The following FRMD6 variants were observed in gnomAD, a reference collection of about 807,000 sequenced individuals.
The protein encoded by FRMD6 is FERM domain containing 6, also known as FERM domain-containing protein 6.
Under a neutral mutation model 73.2 loss-of-function variants are expected in FRMD6, and 37 were observed. That is an observed-to-expected ratio of 0.51 (90% CI 0.39 to 0.66). The LOEUF (loss-of-function observed/expected upper bound fraction) is 0.66, where lower values mean the gene tolerates loss of function less well. Among genes scored for constraint, FRMD6 ranks in the 30% least tolerant of loss-of-function variants. The pLI is 0.00. For synonymous variants in FRMD6, 273 were observed against 282.2 expected (o/e 0.97, Z 0.33); for missense variants, 714 against 780.5 (o/e 0.91, Z 1.02).
intron 1 of FRMD6, among the ~76,000 whole-genome samples, chr14:51,526,136 G>A (rs1885244333): frequency 2.0e-5 from 3 of 152,134 alleles, no homozygotes; most frequent in Non-Finnish European, 4.4e-5. Flanking sequence ...CTCTTGATAG[G>A]GACTATGCTC....
intron 12 of FRMD6, among the ~76,000 whole-genome samples, chr14:51,722,361 C>T (rs1378854274): frequency 1.3e-5 from 2 of 152,146 alleles, no homozygotes; most frequent in Non-Finnish European, 2.9e-5. Flanking sequence ...TATGCTGTGT[C>T]GAGAATCATA....
At position 51,569,507 on chromosome 14, in the gene FRMD6, C is replaced by CTTTTTT. The variant is rs34661155; in HGVS notation, c.-209-828_-209-823dup. Among the ~76,000 whole-genome samples, 363 of 122,732 alleles carry CTTTTTT rather than the reference C, an allele frequency of 3.0e-3. 2 individuals are homozygous for CTTTTTT. Among genetic ancestry groups the CTTTTTT allele is most frequent in the Non-Finnish European group, 4.3e-3 (257 of 59,408 alleles). 80.5% of individuals were successfully genotyped at this position (122,732 alleles called of 152,430 possible). On this transcript the variant is annotated intron_variant, in intron 1 of 14. Coordinates refer to the FRMD6 transcript ENST00000356218. ...AGAATTTTCTTTTCTTTCTTTCTTTCTTTTTTTTTTTTTTTTTTCTGAATC... is the reference window on the plus strand; with the variant it reads ...AGAATTTTCTTTTCTTTCTTTCTTTCTTTTTTTTTTTTTTTTTTTTTTTTCTGAATC...
chr14:51,399,067 A>G, the FRMD6 span, among the ~76,000 whole-genome samples: 122 of 152,254 alleles, frequency 8.0e-4, no homozygotes, highest in Non-Finnish European at 1.5e-3. Context: ...CACTGCTCCT[A>G]GCCAAGCCCT....
chr14:51,626,299 A>C (rs1022334152), intron 2 of FRMD6, among the ~76,000 whole-genome samples: 2 of 152,148 alleles, frequency 1.3e-5, no homozygotes, highest in East Asian at 3.9e-4. Context: ...GTCATTTCCT[A>C]GGTTCCAGCT....
chr14:51,585,112 G>A (rs144490036), intron 2 of FRMD6, among the ~76,000 whole-genome samples: 1 of 152,178 alleles, frequency 6.6e-6, no homozygotes, highest in African/African-American at 2.4e-5. Flanking sequence ...CTGTCTCTAG[G>A]ACAGCCTGGC....
intron 2 of FRMD6, among the ~76,000 whole-genome samples, chr14:51,591,329 A>C (rs999380581): frequency 6.6e-6 from 1 of 152,236 alleles, no homozygotes; most frequent in Non-Finnish European, 1.5e-5. Context: ...ACTATCAGAG[A>C]TAGTTCACCT....
At chr14:51,467,706 G>T in the FRMD6 span, among the ~76,000 whole-genome samples, 1 of 151,898 alleles carries the variant, frequency 6.6e-6, no homozygotes, top group African/African-American at 2.4e-5. Flanking sequence ...CGGCCTGGCA[G>T]AGGTGCTCCC....
chr14:51,415,231 G>T, the FRMD6 span, among the ~76,000 whole-genome samples: 2 of 152,142 alleles, frequency 1.3e-5, no homozygotes, highest in African/African-American at 4.8e-5. Flanking sequence ...TCTTGTGCCA[G>T]TTTTCAAAGG....
At chr14:51,481,204 G>A in the FRMD6 span, among the ~76,000 whole-genome samples, 4 of 152,050 alleles carry the variant, frequency 2.6e-5, no homozygotes, top group Admixed American at 6.5e-5. Context: ...GTATTCGTCC[G>A]TTTTCATGCC....
At chr14:51,652,463 G>C (rs905857672) in intron 1 of FRMD6, among the ~76,000 whole-genome samples, 2 of 152,192 alleles carry the variant, frequency 1.3e-5, no homozygotes, top group African/African-American at 4.8e-5. Flanking sequence ...GGTCTGTGTC[G>C]CTGTGGCTGG....
At chr14:51,554,063 G>T (rs919758341) in intron 1 of FRMD6, among the ~76,000 whole-genome samples, 3 of 152,064 alleles carry the variant, frequency 2.0e-5, no homozygotes, top group African/African-American at 7.2e-5. Context: ...AGGGCACCCT[G>T]TAGAGCCAGA....
At chr14:51,466,522 T>G in the FRMD6 span, among the ~76,000 whole-genome samples, 1 of 152,228 alleles carries the variant, frequency 6.6e-6, no homozygotes, top group East Asian at 1.9e-4. Context: ...TCTTTCCCCA[T>G]TGAATCATTT....
intron 10 of FRMD6, 47 bp from the exon 11 acceptor site, chr14:51,720,008 G>C (rs2140619297): frequency 6.8e-7 from 1 of 1,471,508 alleles, no homozygotes; most frequent in Non-Finnish European, 9.3e-7. Flanking sequence ...AAGCTCACCA[G>C]CCGTTCCTTC....
intron 3 of FRMD6, 22 bp from the exon 4 acceptor site, chr14:51,701,034 T>C: frequency 8.4e-7 from 1 of 1,186,650 alleles, no homozygotes. Flanking sequence ...TAGCATGTCG[T>C]CTCCTTTTTT....
intron 13 of FRMD6, among the ~76,000 whole-genome samples, chr14:51,726,512 C>T (rs1045009225): frequency 1.3e-5 from 2 of 152,076 alleles, no homozygotes; most frequent in African/African-American, 4.8e-5. Context: ...TCTGGCTCTC[C>T]TTGTCCCTAC....
At chr14:51,511,915 TAAAC>T (rs1273865075) in intron 1 of FRMD6, among the ~76,000 whole-genome samples, 2 of 151,738 alleles carry the variant, frequency 1.3e-5, no homozygotes, top group African/African-American at 4.8e-5. Context: ...AAAATTAAAA[TAAAC>T]AAGAAACAAC....
At chr14:51,706,651 C>T (rs1896640047) in intron 6 of FRMD6, among the ~76,000 whole-genome samples, 1 of 152,110 alleles carries the variant, frequency 6.6e-6, no homozygotes, top group South Asian at 2.1e-4. Context: ...AACTCCTACT[C>T]ATCCTCCGAG....
At chr14:51,481,265 G>C in the FRMD6 span, among the ~76,000 whole-genome samples, 3 of 152,174 alleles carry the variant, frequency 2.0e-5, no homozygotes, top group Admixed American at 1.3e-4. Context: ...AGAAAAAAGA[G>C]GTTTAATGGA....
the FRMD6 span, among the ~76,000 whole-genome samples, chr14:51,427,305 G>A: frequency 6.6e-5 from 10 of 152,198 alleles, no homozygotes; most frequent in Non-Finnish European, 1.5e-4. Context: ...AGGGAGTGGA[G>A]CAATACATTA....
Sources: gnomAD v4.1 joint callset for allele counts (sites outside exome capture counted in the v4.1 genomes callset) on GRCh38, gnomAD v4.1.1 for gene constraint, MANE v1.5 for transcripts, NCBI Gene and HGNC (gene_info 2026-07-23, HGNC 2026-07-21) for gene names.